The following CADPS variants were observed in gnomAD, a reference collection of about 807,000 sequenced individuals.
CADPS encodes the protein calcium dependent secretion activator, also known as calcium-dependent secretion activator 1.
In CADPS, 57 loss-of-function variants were observed where a neutral mutation model predicts 167.3. The observed-to-expected ratio is 0.34, with a 90% CI of 0.28 to 0.42. CADPS has a LOEUF of 0.42. Among genes scored for constraint, CADPS ranks in the 20% least tolerant of loss-of-function variants. The pLI is 1.00. For missense variants in CADPS, 1,414 were observed against 1,738.1 expected, an observed-to-expected ratio of 0.81 and a Z score of 3.32; for synonymous variants, 676 against 635.3, an observed-to-expected ratio of 1.06 and a Z score of -0.96.
At chr3:62,789,632 T>G (rs1251371702) in intron 1 of CADPS, among the ~76,000 whole-genome samples, 4 of 152,186 alleles carry the variant, frequency 2.6e-5, no homozygotes, top group African/African-American at 9.6e-5. Flanking sequence ...AGCTTCACAC[T>G]GAACACGTTC....
Position 62,645,812 on chromosome 3 carries a change from G to C in CADPS, c.1235C>G (p.Ser412Cys). The C allele has an allele frequency of 1.2e-6, 2 of 1,614,082 alleles. No homozygotes were observed. The highest frequency in any genetic ancestry group is 1.7e-6 in the Non-Finnish European group (2 of 1,179,940). The change falls in exon 6 of 30, where the codon TCT becomes TGT. Residue 412 changes from serine to cysteine, a missense_variant. Transcript: ENST00000383710. ...ATATACGATGCGATTTGGAGCCAAA[G>C]ATTTGAGGCCTTGGACTTCCATAAT... ...VVIMEVQGLK[S>C]LAPNRIVYCT...
chr3:62,759,527 G>C (rs1035477549), intron 2 of CADPS, among the ~76,000 whole-genome samples: 1 of 152,270 alleles, frequency 6.6e-6, no homozygotes, highest in East Asian at 1.9e-4. Flanking sequence ...TAGGAAATAA[G>C]ACAGTTTACT....
intron 3 of CADPS, among the ~76,000 whole-genome samples, chr3:62,727,401 T>A (rs752198716): frequency 1.3e-5 from 2 of 151,896 alleles, no homozygotes; most frequent in Non-Finnish European, 2.9e-5. Flanking sequence ...CAAAACTAAT[T>A]TGTAAGAACA....
chr3:62,784,244 T>C (rs906294513), intron 1 of CADPS, among the ~76,000 whole-genome samples: 1 of 152,210 alleles, frequency 6.6e-6, no homozygotes, highest in Non-Finnish European at 1.5e-5. Flanking sequence ...AATCGTAACA[T>C]TACTCATAAA....
chr3:62,643,861 AAGAGC>A (rs2067954458), intron 6 of CADPS, among the ~76,000 whole-genome samples: 2 of 152,252 alleles, frequency 1.3e-5, no homozygotes, highest in African/African-American at 4.8e-5. Context: ...AGTATAACAT[AAGAGC>A]ATGGAAAACG....
At chr3:62,799,238 C>T (rs532961812) in intron 1 of CADPS, among the ~76,000 whole-genome samples, 1 of 152,204 alleles carries the variant, frequency 6.6e-6, no homozygotes, top group African/African-American at 2.4e-5. Flanking sequence ...AGGGTTAAGA[C>T]CCAAATGAGG....
chr3:62,794,792 A>AAAAAAAAAG (rs1553689723), intron 1 of CADPS, among the ~76,000 whole-genome samples: 2,060 of 147,428 alleles, frequency 0.014, 100 homozygotes, highest in African/African-American at 0.053. Flanking sequence ...AAAAAAAAAA[A>AAAAAAAAAG]AAAAAAAAAA....
intron 10 of CADPS, among the ~76,000 whole-genome samples, chr3:62,554,071 T>A (rs1411327878): frequency 2.0e-5 from 3 of 152,196 alleles, no homozygotes; most frequent in Non-Finnish European, 4.4e-5. Flanking sequence ...AAAAGGTCTT[T>A]ATGAGTCGTA....
intron 8 of CADPS, 139 bp downstream of exon 8, chr3:62,585,046 C>T: frequency 6.2e-6 from 5 of 806,776 alleles, no homozygotes; most frequent in East Asian, 2.8e-5. Flanking sequence ...CAGTAAATAT[C>T]AAAGTCGAAT....
At chr3:62,708,509 G>A (rs147988778) in intron 3 of CADPS, among the ~76,000 whole-genome samples, 65 of 152,022 alleles carry the variant, frequency 4.3e-4, no homozygotes, top group African/African-American at 1.5e-3. Context: ...CTTGCCCAAG[G>A]TTACTATATG....
chr3:62,839,314 G>A (rs561413212), intron 1 of CADPS, among the ~76,000 whole-genome samples: 22 of 152,110 alleles, frequency 1.4e-4, no homozygotes, highest in African/African-American at 4.3e-4. Flanking sequence ...CCTGCCTCAG[G>A]AGAGTAGCTG....
At chr3:62,535,711 T>G (rs1577359771) in intron 12 of CADPS, among the ~76,000 whole-genome samples, 1 of 152,192 alleles carries the variant, frequency 6.6e-6, no homozygotes, top group South Asian at 2.1e-4. Context: ...GTAAATTGGG[T>G]CTTTTTTTAG....
chr3:62,839,562 G>A (rs1179803918), intron 1 of CADPS, among the ~76,000 whole-genome samples: 1 of 152,148 alleles, frequency 6.6e-6, no homozygotes, highest in Non-Finnish European at 1.5e-5. Context: ...AGTAGGGTGA[G>A]GCTAGACCAC....
intron 1 of CADPS, among the ~76,000 whole-genome samples, chr3:62,835,389 A>G (rs2075751341): frequency 6.6e-6 from 1 of 152,216 alleles, no homozygotes; most frequent in Non-Finnish European, 1.5e-5. Context: ...ATTTTCATCC[A>G]GGTATTCATA....
chr3:62,466,645 C>T, intron 24 of CADPS: 1 of 559,442 alleles, frequency 1.8e-6, no homozygotes, highest in Non-Finnish European at 3.2e-6. Flanking sequence ...GCTTTCGATG[C>T]TTCTAATGTG....
At chr3:62,776,584 G>A (rs1288904290) in intron 1 of CADPS, among the ~76,000 whole-genome samples, 1 of 152,302 alleles carries the variant, frequency 6.6e-6, no homozygotes, top group African/African-American at 2.4e-5. Flanking sequence ...AACCCGGGAG[G>A]CGGAGCTTGC....
At chr3:62,802,116 T>G (rs1014259249) in intron 1 of CADPS, among the ~76,000 whole-genome samples, 5 of 152,100 alleles carry the variant, frequency 3.3e-5, no homozygotes, top group Non-Finnish European at 7.4e-5. Flanking sequence ...TATATATCAG[T>G]GGAACATGAT....
At chr3:62,626,504 A>C (rs1229217435) in intron 6 of CADPS, 1 of 702,678 alleles carries the variant, frequency 1.4e-6, no homozygotes, top group Non-Finnish European at 2.6e-6. Context: ...AGATGATTTG[A>C]CATGGCACAA....
intron 3 of CADPS, among the ~76,000 whole-genome samples, chr3:62,738,504 A>G (rs1382695353): frequency 6.6e-6 from 1 of 152,078 alleles, no homozygotes; most frequent in Non-Finnish European, 1.5e-5. Context: ...CAGGTGGATC[A>G]TCTGAGGTCA....
Sources: gnomAD v4.1 joint callset for allele counts (sites outside exome capture counted in the v4.1 genomes callset) on GRCh38, gnomAD v4.1.1 for gene constraint, MANE v1.5 for transcripts, NCBI Gene and HGNC (gene_info 2026-07-23, HGNC 2026-07-21) for gene names.